CMAS: variants seen among roughly 807,000 people sequenced by gnomAD.
CMAS encodes the protein N-acylneuraminate cytidylyltransferase.
CMAS carries 21 observed loss-of-function variants against 53.4 expected under a neutral mutation model. That is an observed-to-expected ratio of 0.39 (90% confidence interval 0.28 to 0.57). CMAS has a LOEUF of 0.57. CMAS is among the 20% of genes least tolerant of loss of function. CMAS has a pLI of 0.56. For missense variants in CMAS, 384 were observed against 534.9 expected, an observed-to-expected ratio of 0.72 and a Z score of 2.78; for synonymous variants, 189 against 195.2, an observed-to-expected ratio of 0.97 and a Z score of 0.27.
intron 7 of CMAS, among the ~76,000 whole-genome samples, chr12:22,063,431 T>C (rs916877185): frequency 2.0e-5 from 3 of 152,194 alleles, no homozygotes; most frequent in Non-Finnish European, 4.4e-5. Context: ...ACTTATTATC[T>C]TTCTTTGGGA....
intron 1 of CMAS, among the ~76,000 whole-genome samples, chr12:22,047,570 A>G (rs1950214571): frequency 6.6e-6 from 1 of 152,196 alleles, no homozygotes; most frequent in Non-Finnish European, 1.5e-5. Flanking sequence ...AGATGCCAAA[A>G]AAGTATAAAT....
At chr12:22,057,879 G>T (rs1483374530) in intron 3 of CMAS, among the ~76,000 whole-genome samples, 1 of 150,468 alleles carries the variant, frequency 6.6e-6, no homozygotes, top group Non-Finnish European at 1.5e-5. Flanking sequence ...GCTGGATGGA[G>T]TACAGTGGCG....
intron 1 of CMAS, among the ~76,000 whole-genome samples, chr12:22,049,791 G>T (rs1950228924): frequency 6.6e-6 from 1 of 151,988 alleles, no homozygotes; most frequent in African/African-American, 2.4e-5. Context: ...TGTAATCCCA[G>T]CTACTCAGGA....
chr12:22,062,205 T>C, intron 6 of CMAS, 76 bp from the exon 7 acceptor site: 1 of 1,352,958 alleles, frequency 7.4e-7, no homozygotes, highest in Non-Finnish European at 1.0e-6. Flanking sequence ...AGGTCAATTA[T>C]TATGAAAGAT....
Position 22,062,271 on chromosome 12 carries a change from T to C in CMAS, c.961-10T>C. The C allele has an allele frequency of 6.4e-7, 1 of 1,553,112 alleles. No individual in the cohort carries two copies. On this transcript the variant is annotated splice_polypyrimidine_tract_variant and intron_variant, in intron 6 of 7. Transcript: ENST00000229329. ...TTCTTCCTCCAATCCTTTTTTTTTT[T>C]TTTTTTAAGGTGAGGCTAATCTCAG...
rs752376539 is a variant in CMAS, at chr12:22,046,567, C to T, written c.260+4C>T. The T allele has an allele frequency of 1.9e-6, 3 of 1,550,164 alleles. No individual in the cohort carries two copies. The Admixed American group carries it at 5.8e-5, about 30-fold the overall frequency. ...TGGATTCAGGGGCCTTCCAGAGGTG[C>T]GCATGTGCGAGAGTGGGCGGCGCGG... On this transcript the variant is annotated splice_donor_region_variant and intron_variant, in intron 1 of 7. Transcript: ENST00000229329.
chr12:22,058,821 G>T, intron 4 of CMAS, 121 bp downstream of exon 4: 2 of 1,162,158 alleles, frequency 1.7e-6, no homozygotes, highest in Non-Finnish European at 1.2e-6. Flanking sequence ...ATAGAGGAAA[G>T]GTAATAGCCA....
intron 1 of CMAS, among the ~76,000 whole-genome samples, chr12:22,049,502 G>A (rs1950226659): frequency 6.6e-6 from 1 of 152,114 alleles, no homozygotes; most frequent in Non-Finnish European, 1.5e-5. Context: ...AACCTTTTCT[G>A]TACCAAGTAG....
At chr12:22,063,681 T>C (rs992970386) in intron 7 of CMAS, 13 of 151,646 alleles carry the variant, frequency 8.6e-5, no homozygotes, top group African/African-American at 2.9e-4. Flanking sequence ...TTCTATTTTT[T>C]AAAAAAATAT....
rs192694168 is a variant in CMAS, at chr12:22,057,920, C to G, written c.560-647C>G. On this transcript the variant is annotated intron_variant, in intron 3 of 7. Transcript: ENST00000229329. Reference sequence around the variant, plus strand: ...TCGGCTCACTGCAATCTCCCCCCCCCGGGTTCAAGCGATTCTCCTGCCTCA... The same window carrying G: ...TCGGCTCACTGCAATCTCCCCCCCCGGGGTTCAAGCGATTCTCCTGCCTCA... 7.9e-5 allele frequency among the ~76,000 whole-genome samples: 12 copies of G among 151,458 alleles called. No homozygotes were observed. In the East Asian group the frequency reaches 2.0e-3, roughly 25 times the overall value.
intron 4 of CMAS, among the ~76,000 whole-genome samples, chr12:22,060,184 C>G (rs1462905475): frequency 6.6e-6 from 1 of 151,634 alleles, no homozygotes; most frequent in Non-Finnish European, 1.5e-5. Flanking sequence ...GGGATTTCCA[C>G]AAAATCCCTT....
chr12:22,053,828 G>A (rs1950250885), intron 1 of CMAS, among the ~76,000 whole-genome samples: 1 of 150,268 alleles, frequency 6.7e-6, no homozygotes, highest in Admixed American at 6.6e-5. Context: ...GCAGTGAGCC[G>A]AGATCGCGCC....
chr12:22,059,604 T>G (rs1196861964), intron 4 of CMAS, among the ~76,000 whole-genome samples: 2 of 152,178 alleles, frequency 1.3e-5, no homozygotes. Context: ...AAAATTCTAA[T>G]GGGACTATTA....
intron 4 of CMAS, chr12:22,060,603 A>C: frequency 2.6e-6 from 1 of 387,640 alleles, no homozygotes; most frequent in Non-Finnish European, 4.8e-6. Flanking sequence ...ATAATGAGCT[A>C]TGATTGCACC....
rs1262217779 is a variant in CMAS at position 22,049,289 on chromosome 12, A to C, written c.260+2726A>C. Among the ~76,000 whole-genome samples the C allele has an allele frequency of 2.0e-5, 3 of 152,294 alleles. No homozygotes were observed. In the East Asian group the frequency reaches 5.8e-4, roughly 29 times the overall value. ...CGCTGAAAAACATGACAGGTTCATC[A>C]AGAGGAAAATTGGAGTACAATTACC... On this transcript the variant is annotated intron_variant, in intron 1 of 7. Transcript: ENST00000229329.
intron 3 of CMAS, among the ~76,000 whole-genome samples, chr12:22,058,023 C>T (rs982548154): frequency 3.3e-5 from 5 of 151,514 alleles, no homozygotes; most frequent in African/African-American, 1.2e-4. Context: ...GATGGCGTTT[C>T]ACTATGTTGG....
chr12:22,064,499 A>G (rs543118017), intron 7 of CMAS, among the ~76,000 whole-genome samples: 12 of 152,170 alleles, frequency 7.9e-5, no homozygotes, highest in Non-Finnish European at 1.2e-4. Context: ...TAAGTCAGCT[A>G]TAAAAGGACA....
chr12:22,047,912 T>A (rs143672312), intron 1 of CMAS, among the ~76,000 whole-genome samples: 10 of 152,332 alleles, frequency 6.6e-5, no homozygotes, highest in Admixed American at 1.3e-4. Context: ...TAGTGAAATA[T>A]CATTTTTGTG....
chr12:22,065,237 C>G lies in CMAS; in HGVS notation c.1231C>G (p.Arg411Gly), dbSNP rs191492408. Reference sequence around the variant, plus strand: ...ATACATTTGCAAATGTAATGGTGGCCGTGGTGCCATCCGAGAATTTGCAGA... The same window carrying G: ...ATACATTTGCAAATGTAATGGTGGCGGTGGTGCCATCCGAGAATTTGCAGA... ...VGYICKCNGG[R>G]GAIREFAEHI... Residue 411 changes from arginine (R) to glycine (G), a missense_variant, in exon 8 of 8, where the codon CGT becomes GGT. This residue lies in a region of CMAS where 134 missense variants were observed against 154.6 expected (regional missense o/e 0.87). Transcript: ENST00000229329. 2.5e-6 allele frequency: 4 copies of G among 1,613,914 alleles called. No individual in the cohort carries two copies. In the South Asian group the frequency reaches 3.3e-5, roughly 13 times the overall value.
Sources: allele counts gnomAD v4.1 joint callset (sites outside exome capture counted in the v4.1 genomes callset), GRCh38; gene constraint gnomAD v4.1.1; regional missense constraint gnomAD v4.1.1; transcripts MANE v1.5; gene names NCBI Gene and HGNC (gene_info 2026-07-23, HGNC 2026-07-21).